The following ARSG variants were observed in gnomAD, a reference collection of about 807,000 sequenced individuals.
The protein encoded by ARSG is ASG.
ARSG carries 37 observed loss-of-function variants against 50.5 expected under a neutral mutation model. The observed-to-expected ratio is 0.73, with a 90% confidence interval of 0.56 to 0.96. The LOEUF (loss-of-function observed/expected upper bound fraction) is 0.96, where lower values mean the gene tolerates loss of function less well. ARSG is among the 50% of genes least tolerant of loss of function. The pLI is 0.00. For synonymous variants in ARSG, 225 were observed against 254.6 expected (o/e 0.88, Z 1.11); for missense variants, 629 against 675.3 (o/e 0.93, Z 0.76).
At position 68,278,617 on chromosome 17, in the gene ARSG, C is replaced by CTT. The variant is rs56870988; in HGVS notation, c.-552+19210_-552+19211dup. ...AGCCAGCTAATGTTTTTTCTTTTTC[C>CTT]TTTTTTTTTTTTTTTTTTTTGAGAC... On this transcript the variant is annotated intron_variant, in intron 1 of 11. Coordinates refer to the ARSG transcript ENST00000448504. Among the ~76,000 whole-genome samples, 93 of 111,974 alleles carry CTT rather than the reference C, an allele frequency of 8.3e-4. 1 individual carries two copies. Among genetic ancestry groups the CTT allele is most frequent in the Admixed American group, 1.3e-3 (13 of 10,054 alleles). 73.5% of individuals were successfully genotyped at this position (111,974 alleles called of 152,430 possible). A position where few individuals can be genotyped will look rare whatever the true frequency, so the allele number is the denominator to read the frequency against.
At chr17:68,440,825 G>GCA in the ARSG span, 1 of 152,188 alleles carries the variant, frequency 6.6e-6, no homozygotes. Context: ...CAAACTTTAG[G>GCA]TAAGTTAACA....
intron 8 of ARSG, among the ~76,000 whole-genome samples, chr17:68,373,678 T>C (rs1026021246): frequency 1.3e-5 from 2 of 152,190 alleles, no homozygotes; most frequent in Non-Finnish European, 2.9e-5. Context: ...ACCTTTTCAG[T>C]GACCAGATTA....
At position 68,420,563 on chromosome 17, in the gene ARSG, A is replaced by C; in HGVS notation, c.*100A>C. On this transcript the variant is annotated 3_prime_UTR_variant, in exon 12 of 12. Transcript: ENST00000621439. ...TCTTTACAAACACACGCTTTAGTTT[A>C]GTCTTGGAGTTTAGTTTTGGAGTTA... 4.4e-6 allele frequency: 6 copies of C among 1,373,022 alleles called. No homozygotes were observed. Among genetic ancestry groups the C allele is most frequent in the Non-Finnish European group, 6.0e-6 (6 of 992,146 alleles). 85.1% of individuals were successfully genotyped at this position (1,373,022 alleles called of 1,614,324 possible).
intron 1 of ARSG, among the ~76,000 whole-genome samples, chr17:68,299,877 T>G (rs2076349090): frequency 6.6e-6 from 1 of 152,006 alleles, no homozygotes; most frequent in Non-Finnish European, 1.5e-5. Context: ...TAGTAAGAAT[T>G]AACTTTTAGA....
At chr17:68,449,703 C>G in the ARSG span, among the ~76,000 whole-genome samples, 2 of 152,208 alleles carry the variant, frequency 1.3e-5, no homozygotes, top group African/African-American at 2.4e-5. Context: ...TCCCTGAGCC[C>G]TCCCCAGAAG....
chr17:68,295,493 CAT>C (rs782030343), intron 1 of ARSG, among the ~76,000 whole-genome samples: 14 of 151,442 alleles, frequency 9.2e-5, no homozygotes, highest in Non-Finnish European at 1.8e-4. Context: ...AAATAGAGAA[CAT>C]AGCCTCCGGG....
intron 8 of ARSG, among the ~76,000 whole-genome samples, 188 bp downstream of exon 8, chr17:68,370,712 C>T (rs560093982): frequency 5.3e-5 from 8 of 152,262 alleles, no homozygotes; most frequent in East Asian, 1.9e-4. Flanking sequence ...GTGGAGAAAA[C>T]GACTGCTCAG....
At chr17:68,411,038 C>G (rs974671633) in intron 11 of ARSG, among the ~76,000 whole-genome samples, 1 of 151,956 alleles carries the variant, frequency 6.6e-6, no homozygotes, top group African/African-American at 2.4e-5. Context: ...GTCTTGCTAG[C>G]GGTCTATCAA....
At chr17:68,358,749 C>T (rs891648141) in intron 6 of ARSG, among the ~76,000 whole-genome samples, 5 of 152,024 alleles carry the variant, frequency 3.3e-5, no homozygotes, top group African/African-American at 7.3e-5. Flanking sequence ...ATCTGTAGTG[C>T]CAGCTAACTC....
rs1364577599 is a variant in ARSG, at chr17:68,262,325, GC to G, written c.-552+2901del. 2.4e-4 allele frequency among the ~76,000 whole-genome samples: 37 copies of G among 152,052 alleles called. No homozygotes were observed. The East Asian group carries it at 3.3e-3, about 14-fold the overall frequency. ...TGTCTACTAAAAATACAAAAAATTA[GC>G]CAGGTGTGGTGGCGGGCGCCTGTAG... On this transcript the variant is annotated intron_variant, in intron 1 of 11. Coordinates refer to the ARSG transcript ENST00000448504.
chr17:68,437,012 A>ATGTGTGTGTGTGTGTG, the ARSG span, among the ~76,000 whole-genome samples: 127 of 82,064 alleles, frequency 1.5e-3, no homozygotes, highest in African/African-American at 5.5e-3. Flanking sequence ...AAAAATATAT[A>ATGTGTGTGTGTGTGTG]TATATGTGTG....
At chr17:68,268,953 G>A (rs1599482283) in intron 1 of ARSG, 28 of 1,464,168 alleles carry the variant, frequency 1.9e-5, no homozygotes, top group Non-Finnish European at 2.5e-5. Flanking sequence ...GATGTTGGTA[G>A]TGCTCTTCAC....
intron 1 of ARSG, among the ~76,000 whole-genome samples, chr17:68,261,066 T>G (rs2075064991): frequency 6.6e-6 from 1 of 152,226 alleles, no homozygotes; most frequent in African/African-American, 2.4e-5. Context: ...CCTCAGATGC[T>G]GAGCCGGTGG....
intron 5 of ARSG, among the ~76,000 whole-genome samples, chr17:68,352,063 GGAGAGA>G (rs764916757): frequency 1.4e-5 from 2 of 141,396 alleles, no homozygotes; most frequent in African/African-American, 5.5e-5. Flanking sequence ...GAGAGACAGA[GGAGAGA>G]GAGAGAGAGA....
chr17:68,328,340 T>C (rs2077587221), intron 2 of ARSG, among the ~76,000 whole-genome samples: 1 of 152,144 alleles, frequency 6.6e-6, no homozygotes, highest in South Asian at 2.1e-4. Flanking sequence ...TTCAAATAAC[T>C]TGATGAGATA....
At chr17:68,444,224 C>T in the ARSG span, among the ~76,000 whole-genome samples, 1,642 of 152,280 alleles carry the variant, frequency 0.011, 27 homozygotes, top group African/African-American at 0.037. Context: ...GTCTACCTTA[C>T]GTGCCTTGAC....
At chr17:68,352,780 G>T (rs761869433) in intron 5 of ARSG, among the ~76,000 whole-genome samples, 8 of 152,008 alleles carry the variant, frequency 5.3e-5, no homozygotes, top group Non-Finnish European at 7.4e-5. Flanking sequence ...AAAGTGCTGG[G>T]ATTTCAGGCG....
downstream of ARSG, chr17:68,427,214 A>T: frequency 6.2e-7 from 1 of 1,614,164 alleles, no homozygotes; most frequent in Middle Eastern, 1.6e-4. Context: ...GTCTGAGGTC[A>T]TTTTCTTTAT....
chr17:68,359,950 C>T lies in ARSG; in HGVS notation c.704+3146C>T, dbSNP rs564604967. Among the ~76,000 whole-genome samples the T allele has an allele frequency of 6.3e-4, 96 of 152,180 alleles. 1 individual carries two copies. Among genetic ancestry groups the T allele is most frequent in the Non-Finnish European group, 1.3e-3 (86 of 68,024 alleles). ...GCTCCCTGGAACTTTGGGATGGTTT[C>T]GGGCCCCTGTGCCCCATGGCACGTG... On this transcript the variant is annotated intron_variant, in intron 6 of 11. Transcript: ENST00000621439.
Sources: allele counts gnomAD v4.1 joint callset (sites outside exome capture counted in the v4.1 genomes callset), GRCh38; gene constraint gnomAD v4.1.1; transcripts MANE v1.5; gene names NCBI Gene and HGNC (gene_info 2026-07-23, HGNC 2026-07-21).